NXF3: variants seen among roughly 807,000 people sequenced by gnomAD.
The protein encoded by NXF3 is nuclear RNA export factor 3.
NXF3 carries 34 observed loss-of-function variants against 48.4 expected under a neutral mutation model. The observed-to-expected ratio is 0.70, with a 90% confidence interval of 0.53 to 0.93. NXF3 has a LOEUF of 0.93. Among genes scored for constraint, NXF3 ranks in the 40% least tolerant of loss-of-function variants. The pLI is 0.00. For missense variants in NXF3, 359 were observed against 406.1 expected, an observed-to-expected ratio of 0.88 and a Z score of 1.00; for synonymous variants, 132 against 145.7, an observed-to-expected ratio of 0.91 and a Z score of 0.68.
At chrX:103,084,242 C>A in intron 3 of NXF3, 100 bp downstream of exon 3, 1 of 961,441 alleles carries the variant, frequency 1.0e-6, no homozygotes, top group Non-Finnish European at 1.5e-6. Context: ...AGATTACATA[C>A]TTTCCTGCCC....
At position 103,083,242 on chromosome X, in the gene NXF3, G is replaced by A; in HGVS notation, c.572C>T (p.Pro191Leu). The stretch of plus-strand genomic sequence containing the variant: ...CTTCAGCTCCCTGTGCACAAAGTGG[G>A]GTATGCCAGCAGGGTTGACAAAGAT... ...ISIFVNPAGI[P>L]HFVHRELKSE... The change falls in exon 6 of 20, where the codon CCC becomes CTC. Residue 191 changes from proline (P) to leucine (L), a missense_variant. Physicochemically the swap from Pro to Leu is moderately conservative, Grantham distance 98. Transcript: ENST00000395065. The A allele has an allele frequency of 8.3e-7, 1 of 1,210,993 alleles. No homozygotes were observed. Among genetic ancestry groups the A allele is most frequent in the Non-Finnish European group, 1.1e-6 (1 of 895,226 alleles).
chrX:103,076,328 T>C (rs1357906226), intron 18 of NXF3, 27 bp from the exon 19 acceptor site: 1 of 1,205,364 alleles, frequency 8.3e-7, no homozygotes, highest in Non-Finnish European at 1.1e-6. Flanking sequence ...ACAGGTAACA[T>C]CCATTAGGAC....
Position 103,082,304 on chromosome X carries a change from C to T in NXF3, c.841G>A (p.Asp281Asn). 8.3e-7 allele frequency: 1 copy of T among 1,210,020 alleles called. No individual in the cohort carries two copies. Among genetic ancestry groups the T allele is most frequent in the Non-Finnish European group, 1.1e-6 (1 of 894,239 alleles). ...KGIEPGEKCA[D>N]RSPVCTTFSD... ...AAGGTCGTGCACACTGGGCTTCTGT[C>T]CGCACACTTCTCTCCTGGCTCTATC... Residue 281 changes from aspartate (D) to asparagine (N), a missense_variant, in exon 9 of 20, where the codon GAC (aspartate) becomes AAC (asparagine). By Grantham distance (23) the Asp-to-Asn change is conservative (BLOSUM62 1). Coordinates refer to ENST00000395065, the MANE Select transcript of NXF3 (RefSeq NM_022052.2).
At chrX:103,081,793 G>A (rs1410274802) in intron 9 of NXF3, 2 of 121,210 alleles carry the variant, frequency 1.7e-5, no homozygotes, top group African/African-American at 3.2e-5. Flanking sequence ...ATGCCAGCCT[G>A]GGACAGGAGA....
intron 1 of NXF3, chrX:103,089,177 T>A (rs1922220270): frequency 7.0e-6 from 5 of 712,607 alleles, no homozygotes; most frequent in Non-Finnish European, 9.0e-6. Flanking sequence ...GCTCAGTTTG[T>A]GGCAAAACAT....
intron 1 of NXF3, among the ~76,000 whole-genome samples, chrX:103,090,382 T>TGTG (rs1922245660): frequency 8.9e-6 from 1 of 112,071 alleles, no homozygotes; most frequent in Non-Finnish European, 1.9e-5. Flanking sequence ...AAGATGCTTG[T>TGTG]AGAGTTGTGG....
chrX:103,077,796 A>C (rs774376088), intron 17 of NXF3, 50 bp from the exon 18 acceptor site: 17 of 1,176,672 alleles, frequency 1.4e-5, no homozygotes, highest in Non-Finnish European at 1.6e-5. Context: ...ACACCTCCCC[A>C]CCCGCTACAA....
At chrX:103,077,562 T>C in intron 18 of NXF3, 52 bp downstream of exon 18, 1 of 1,199,521 alleles carries the variant, frequency 8.3e-7, no homozygotes, top group Admixed American at 2.2e-5. Context: ...CAGCACTCAC[T>C]TCTGAGGCAA....
Position 103,084,398 on chromosome X carries a change from T to G in NXF3, c.295A>C (p.Arg99=), listed in dbSNP as rs1402260469. 1 of 1,211,604 alleles carries G rather than the reference T, an allele frequency of 8.3e-7. No homozygotes were observed. The highest frequency in any genetic ancestry group is 1.8e-5 in the South Asian group (1 of 56,955). ...NMEREQKPPE[R]RMEGNMPDGT... is the part of the protein sequence containing the mutation. ...TCCGGCATGTTCCCCTCCATTCTTCTCTCTGGAGGTTTTTGCTCTCTCTCC... is the reference window on the plus strand; with the variant it reads ...TCCGGCATGTTCCCCTCCATTCTTCGCTCTGGAGGTTTTTGCTCTCTCTCC... The change falls in exon 3 of 20, where the codon AGA becomes CGA. Residue 99 remains arginine (R), a synonymous_variant. Transcript: ENST00000395065.
chrX:103,086,031 CAA>C (rs1922145178), intron 1 of NXF3, among the ~76,000 whole-genome samples: 1 of 110,544 alleles, frequency 9.0e-6, no homozygotes, highest in Admixed American at 9.5e-5. Flanking sequence ...AGGCTGGTCT[CAA>C]ATTCCAGACC....
chrX:103,079,323 T>C (rs773124379), intron 15 of NXF3, 36 bp downstream of exon 15: 40 of 1,206,965 alleles, frequency 3.3e-5, no homozygotes, highest in South Asian at 7.1e-5. Flanking sequence ...ACCTCTGGCT[T>C]TCTGGGCCTG....
chrX:103,079,889 G>A lies in NXF3; in HGVS notation c.1053-19C>T, dbSNP rs375878656. On this transcript the variant is annotated intron_variant, in intron 12 of 19. Coordinates refer to ENST00000395065, the MANE Select transcript of NXF3 (RefSeq NM_022052.2). ...GTAATACCTGTTGGAGACCAGTGAG[G>A]ACAGGCTATCTCTGTGGCCTGGGTG... 8.4e-6 allele frequency: 10 copies of A among 1,188,459 alleles called. No individual in the cohort carries two copies. The African/African-American group carries it at 1.6e-4, about 19-fold the overall frequency.
chrX:103,082,382 A>C lies in NXF3; in HGVS notation c.781-18T>G. The C allele has an allele frequency of 2.7e-6, 3 of 1,098,283 alleles. No individual in the cohort carries two copies. Among genetic ancestry groups the C allele is most frequent in the Non-Finnish European group, 3.8e-6 (3 of 796,104 alleles). 90.5% of individuals were successfully genotyped at this position (1,098,283 alleles called of 1,213,427 possible). On this transcript the variant is annotated intron_variant, in intron 8 of 19. Transcript: ENST00000395065. ...GACATCACCTGCAATTATGCAGAAG[A>C]ACCACGTAGACCCAGGAAAGAGCAG...
At chrX:103,089,985 T>C (rs1449188412) in intron 1 of NXF3, among the ~76,000 whole-genome samples, 2 of 110,774 alleles carry the variant, frequency 1.8e-5, no homozygotes, top group African/African-American at 3.3e-5. Flanking sequence ...GATGTATCCA[T>C]ATACATTTAC....
intron 8 of NXF3, 135 bp downstream of exon 8, chrX:103,082,625 G>A: frequency 3.5e-6 from 2 of 565,641 alleles, no homozygotes; most frequent in African/African-American, 2.3e-5. Flanking sequence ...TGGGTTCAAG[G>A]GCAAAAGCTA....
chrX:103,076,171 A>G (rs1437024615), intron 19 of NXF3, 70 bp downstream of exon 19: 3 of 772,249 alleles, frequency 3.9e-6, no homozygotes, highest in African/African-American at 4.1e-5. Flanking sequence ...GATCAGCAGA[A>G]CCGGAAGCCC....
Position 103,083,442 on chromosome X carries a change from GTGCATAGGCGA to G in NXF3, c.485_495del (p.Ile162ThrfsTer11). On this transcript the variant is annotated frameshift_variant, in exon 5 of 20. Coordinates refer to ENST00000395065, the MANE Select transcript of NXF3 (RefSeq NM_022052.2). LOFTEE classifies it high-confidence loss of function. ...CAAATCTTGCCACTGACATTCTTCA[GTGCATAGGCGA>G]TGCTGGCATTCTCCACAAAGAAGCT... The G allele has an allele frequency of 5.0e-6, 6 of 1,210,843 alleles. No individual in the cohort carries two copies. Among genetic ancestry groups the G allele is most frequent in the Non-Finnish European group, 6.7e-6 (6 of 894,752 alleles).
intron 17 of NXF3, among the ~76,000 whole-genome samples, chrX:103,078,188 A>T (rs1921918268): frequency 8.9e-6 from 1 of 111,785 alleles, no homozygotes; most frequent in African/African-American, 3.3e-5. Context: ...GAGTGCAGTG[A>T]TGTGATCTAG....
Position 103,084,831 on chromosome X carries a change from T to G in NXF3, c.81A>C (p.Gln27His), listed in dbSNP as rs1347206315. Residue 27 changes from glutamine (Q) to histidine (H), a missense_variant, in exon 2 of 20, where the codon CAA becomes CAC. By Grantham distance (24) the Gln-to-His change is conservative (BLOSUM62 0). Transcript: ENST00000395065. ...QRRARCWDIY[Q>H]RRFSSRSEPV... ...GTTCAGACCTACTGCTAAATCTCCT[T>G]TGGTAAATATCCCAACATCTTGCTC... is the stretch of plus-strand genomic sequence containing the variant. 9 of 1,211,522 alleles carry G rather than the reference T, an allele frequency of 7.4e-6. No homozygotes were observed. Among genetic ancestry groups the G allele is most frequent in the Non-Finnish European group, 1.0e-5 (9 of 894,991 alleles).
Sources: gnomAD v4.1 joint callset for allele counts (sites outside exome capture counted in the v4.1 genomes callset) on GRCh38, gnomAD v4.1.1 for gene constraint, MANE v1.5 for transcripts, NCBI Gene and HGNC (gene_info 2026-07-23, HGNC 2026-07-21) for gene names.